Variants in ZNF414 observed in about 807,000 individuals in gnomAD.
ZNF414 encodes the protein zinc finger protein 414.
A neutral mutation model predicts 38.3 loss-of-function variants in ZNF414; 32 were observed. That is an observed-to-expected ratio of 0.83 (90% confidence interval 0.63 to 1.12). The LOEUF (loss-of-function observed/expected upper bound fraction) is 1.12. Among genes scored for constraint, ZNF414 ranks in the 50% most tolerant of loss-of-function variants. The probability of loss-of-function intolerance (pLI) is 0.00; values close to 1 mark genes in which losing one functional copy is unlikely to be tolerated. For synonymous variants in ZNF414, 256 were observed against 248.0 expected (o/e 1.03, Z -0.30); for missense variants, 589 against 557.4 (o/e 1.06, Z -0.57).
rs1261897822 is a variant in ZNF414 at position 8,513,173 on chromosome 19, G to C, written c.172C>G (p.Arg58Gly). 1.3e-6 allele frequency: 2 copies of C among 1,557,208 alleles called. No homozygotes were observed. Among genetic ancestry groups the C allele is most frequent in the Admixed American group, 3.8e-5 (2 of 52,636 alleles). Residue 58 changes from arginine to glycine, a missense_variant, in exon 2 of 8, where the codon CGT (arginine) becomes GGT (glycine). Arg to Gly is a moderately radical substitution (Grantham distance 125). Transcript: ENST00000393927. ...TGCTGCATCCCTCCAGCCCCTCCAC[G>C]TTCCCACACTGGCGGTGTGGCTGCC... is the stretch of plus-strand genomic sequence containing the variant. ...EQAATPPVWE[R>G]GGAGGMQQGS...
Position 8,512,726 on chromosome 19 carries a change from GA to G in ZNF414, c.317-16del. On this transcript the variant is annotated splice_polypyrimidine_tract_variant and intron_variant, in intron 2 of 7. Coordinates refer to ENST00000393927, the MANE Select transcript of ZNF414 (RefSeq NM_001146175.2). ...GATTTGCTTCCCTGCAGGACGCACAGAACAGTGGTCACTGGTCCCTTCCTCA... is the reference window on the plus strand; with the variant it reads ...GATTTGCTTCCCTGCAGGACGCACAGACAGTGGTCACTGGTCCCTTCCTCA... 2 of 1,493,104 alleles carry G rather than the reference GA, an allele frequency of 1.3e-6. No homozygotes were observed. Among genetic ancestry groups the G allele is most frequent in the Non-Finnish European group, 1.8e-6 (2 of 1,119,460 alleles). The allele number at this position is 1,493,104 out of a possible 1,614,324, so 92.5% of individuals were successfully genotyped here.
intron 2 of ZNF414, 73 bp from the exon 3 acceptor site, chr19:8,512,784 C>T (rs1432671105): frequency 1.5e-6 from 2 of 1,370,694 alleles, no homozygotes; most frequent in East Asian, 5.1e-5. Flanking sequence ...GGGTTCTGCC[C>T]CAGAGAAGCA....
Position 8,511,787 on chromosome 19 carries a change from G to T in ZNF414, c.704C>A (p.Pro235Gln), listed in dbSNP as rs375198071. 267 of 1,413,658 alleles carry T rather than the reference G, an allele frequency of 1.9e-4. 1 individual carries two copies. The African/African-American group carries it at 3.1e-3, about 16-fold the overall frequency. The allele number at this position is 1,413,658 out of a possible 1,614,324, so 87.6% of individuals were successfully genotyped here. The change falls in exon 5 of 8, where the codon CCG becomes CAG. Residue 235 changes from proline (P) to glutamine (Q), a missense_variant. Transcript: ENST00000393927. ...EVDPASAPGL[P>Q]FPLLEPFTTP... is the part of the protein sequence containing the mutation. ...CGTGAAGGGTTCCAGCAGCGGGAAC[G>T]GCAGGCCCGGCGCTGATGCGGGGTC...
Position 8,511,863 on chromosome 19 carries a change from G to A in ZNF414, c.628C>T (p.Pro210Ser). Residue 210 changes from proline (P) to serine (S), a missense_variant, in exon 5 of 8, where the codon CCC becomes TCC. Physicochemically the swap from Pro to Ser is moderately conservative, Grantham distance 74. Coordinates refer to ENST00000393927, the MANE Select transcript of ZNF414 (RefSeq NM_001146175.2). The part of the protein sequence containing the change: ...EHAQSPAPPP[P>S]PALDREPPAP... ...GGCGGCTCTCGGTCCAGGGCCGGGG[G>A]TGGCGGCGGGGCTGGGCTCTGCGCA... 7.1e-7 allele frequency: 1 copy of A among 1,404,716 alleles called. No homozygotes were observed. The highest frequency in any genetic ancestry group is 2.7e-5 in the East Asian group (1 of 36,702). The allele number at this position is 1,404,716 out of a possible 1,614,324, so 87.0% of individuals were successfully genotyped here.
intron 1 of ZNF414, among the ~76,000 whole-genome samples, chr19:8,513,586 C>T (rs1424588391): frequency 1.3e-5 from 2 of 152,192 alleles, no homozygotes; most frequent in African/African-American, 4.8e-5. Context: ...AGCCACTGCA[C>T]TGGCCCGGAT....
chr19:8,513,911 C>T, intron 1 of ZNF414, 133 bp downstream of exon 1: 1 of 1,154,064 alleles, frequency 8.7e-7, no homozygotes, highest in Non-Finnish European at 1.1e-6. Context: ...AGGGCGCTCT[C>T]CGAGTGACAG....
In ZNF414 at chr19:8,513,035, G is replaced by A; in HGVS notation, c.310C>T (p.Pro104Ser). Residue 104 changes from proline to serine, a missense_variant, in exon 2 of 8, where the codon CCT (proline) becomes TCT (serine). Physicochemically the swap from Pro to Ser is moderately conservative, Grantham distance 74. Transcript: ENST00000393927. Reference sequence around the variant, plus strand: ...AGACCCCATCACAGATCACCTGGAGGTGGGCGTCGTCTGGGAGGCCGCAGG... The same window carrying A: ...AGACCCCATCACAGATCACCTGGAGATGGGCGTCGTCTGGGAGGCCGCAGG... ...EDLRPPRRRP[P>S]PGKQIPCSSP... 6.8e-7 allele frequency: 1 copy of A among 1,461,790 alleles called. No individual in the cohort carries two copies. The highest frequency in any genetic ancestry group is 9.0e-7 in the Non-Finnish European group (1 of 1,108,870). 90.6% of individuals were successfully genotyped at this position (1,461,790 alleles called of 1,614,324 possible).
In ZNF414 at chr19:8,513,211, G is replaced by A. The variant is rs1387699678; in HGVS notation, c.134C>T (p.Pro45Leu). The A allele has an allele frequency of 1.3e-6, 2 of 1,573,518 alleles. No homozygotes were observed. Among genetic ancestry groups the A allele is most frequent in the South Asian group, 1.1e-5 (1 of 87,384 alleles). The change falls in exon 2 of 8, where the codon CCA (proline) becomes CTA (leucine). Residue 45 changes from proline to leucine, a missense_variant. Physicochemically the swap from Pro to Leu is moderately conservative, Grantham distance 98 (BLOSUM62 -3). Transcript: ENST00000393927. The stretch of plus-strand genomic sequence containing the variant: ...CGGTGTGGCTGCCTGCTCAGGGCCT[G>A]GCTCCTCCGACATGGAGGAGGAAGG... ...AAPSSSMSEE[P>L]GPEQAATPPV...
In ZNF414 at chr19:8,511,547, G is replaced by A; in HGVS notation, c.875-11C>T. 6.3e-7 allele frequency: 1 copy of A among 1,593,186 alleles called. No homozygotes were observed. The highest frequency in any genetic ancestry group is 8.5e-7 in the Non-Finnish European group (1 of 1,169,942). ...GGCTGCTGCCAGCACCTGCGGTAAA[G>A]GGGCGGGTCAAGTTCAGAGTCAGGG... On this transcript the variant is annotated splice_polypyrimidine_tract_variant and intron_variant, in intron 5 of 7. Transcript: ENST00000393927.
chr19:8,511,072 A>C (rs1971906533), intron 6 of ZNF414, 48 bp from the exon 7 acceptor site: 1 of 1,282,038 alleles, frequency 7.8e-7, no homozygotes, highest in African/African-American at 1.6e-5. Flanking sequence ...CCAGCCCAGA[A>C]GACCCGTGCG....
chr19:8,512,201 T>G, intron 4 of ZNF414, 186 bp downstream of exon 4: 1 of 1,433,776 alleles, frequency 7.0e-7, no homozygotes, highest in Non-Finnish European at 9.1e-7. Flanking sequence ...AGGTAAAGCC[T>G]GGCTGGGTGG....
chr19:8,512,420 C>T lies in ZNF414; in HGVS notation c.497G>A (p.Ser166Asn). The change falls in exon 4 of 8, where the codon AGC becomes AAC. Residue 166 changes from serine to asparagine, a missense_variant. Ser to Asn is a conservative substitution (Grantham distance 46, BLOSUM62 1). Transcript: ENST00000393927. Reference protein sequence around the residue: ...FPSMQELVAHSKLHYKPNRYF... With the variant: ...FPSMQELVAHNKLHYKPNRYF... ...GCGATTGGGTTTGTAGTGCAGTTTG[C>T]TGTGAGCCACCAGCTCCTGCATGCT... The T allele has an allele frequency of 6.2e-7, 1 of 1,614,084 alleles. No homozygotes were observed. The highest frequency in any genetic ancestry group is 1.1e-5 in the South Asian group (1 of 91,072).
At chr19:8,512,209 T>G (rs1568322809) in intron 4 of ZNF414, 178 bp downstream of exon 4, 6 of 1,429,944 alleles carry the variant, frequency 4.2e-6, no homozygotes, top group Admixed American at 5.8e-5. Context: ...CCTGGCTGGG[T>G]GGGGCCACGC....
Position 8,513,201 on chromosome 19 carries a change from C to T in ZNF414, c.144G>A (p.Glu48=), listed in dbSNP as rs1158115265. The T allele has an allele frequency of 2.6e-6, 4 of 1,568,232 alleles. No homozygotes were observed. The highest frequency in any genetic ancestry group is 3.4e-6 in the Non-Finnish European group (4 of 1,163,396). ...SSSMSEEPGP[E]QAATPPVWER... is the part of the protein sequence containing the mutation. ...CCCACACTGGCGGTGTGGCTGCCTG[C>T]TCAGGGCCTGGCTCCTCCGACATGG... Residue 48 remains glutamate (E), a synonymous_variant, in exon 2 of 8, where the codon GAG becomes GAA. Coordinates refer to ENST00000393927, the MANE Select transcript of ZNF414 (RefSeq NM_001146175.2).
rs1353538903 is a variant in ZNF414, at chr19:8,514,101, G to A, written c.-55C>T. ...CGGCTCCGGCGGCTGCAGCTTAGGCGGCGGCCACCCTCTGGGCAGTGCGAG... is the reference window on the plus strand; with the variant it reads ...CGGCTCCGGCGGCTGCAGCTTAGGCAGCGGCCACCCTCTGGGCAGTGCGAG... On this transcript the variant is annotated 5_prime_UTR_variant, in exon 1 of 8. Transcript: ENST00000393927. 1 of 1,455,510 alleles carries A rather than the reference G, an allele frequency of 6.9e-7. No individual in the cohort carries two copies. The highest frequency in any genetic ancestry group is 9.0e-7 in the Non-Finnish European group (1 of 1,105,500). The allele number at this position is 1,455,510 out of a possible 1,614,324, so 90.2% of individuals were successfully genotyped here. A position where few individuals can be genotyped will look rare whatever the true frequency, so the allele number is the denominator to read the frequency against.
At position 8,510,534 on chromosome 19, in the gene ZNF414, C is replaced by T. The variant is rs2145805455; in HGVS notation, c.*157G>A. ...GTGATCAATCCATGACTGCTGGGCT[C>T]GAGCCCACTATGCTTTGGATGGACA... On this transcript the variant is annotated 3_prime_UTR_variant, in exon 8 of 8. Transcript: ENST00000393927. 1.2e-6 allele frequency: 1 copy of T among 841,848 alleles called. No homozygotes were observed. Among genetic ancestry groups the T allele is most frequent in the Non-Finnish European group, 1.7e-6 (1 of 571,936 alleles). 52.1% of individuals were successfully genotyped at this position (841,848 alleles called of 1,614,324 possible).
Position 8,511,660 on chromosome 19 carries a change from G to C in ZNF414, c.831C>G (p.Pro277=). ...CGGCGGCGCTGGAAGCCGGCGGCCC[G>C]GGTGCAGCGGCCAGGAAGGGGCGCA... ...PRLRPFLAAA[P]GPPASSAAVW... is the part of the protein sequence containing the mutation. The change falls in exon 5 of 8, where the codon CCC becomes CCG. Residue 277 remains proline (P), a synonymous_variant. Transcript: ENST00000393927. 1 of 1,503,730 alleles carries C rather than the reference G, an allele frequency of 6.7e-7. No individual in the cohort carries two copies. Among genetic ancestry groups the C allele is most frequent in the Non-Finnish European group, 8.8e-7 (1 of 1,130,392 alleles). 93.1% of individuals were successfully genotyped at this position (1,503,730 alleles called of 1,614,324 possible). A position where few individuals can be genotyped will look rare whatever the true frequency, so the allele number is the denominator to read the frequency against.
Position 8,511,634 on chromosome 19 carries a change from A to T in ZNF414, c.857T>A (p.Val286Asp). The T allele has an allele frequency of 1.3e-6, 2 of 1,507,092 alleles. No individual in the cohort carries two copies. The highest frequency in any genetic ancestry group is 1.8e-6 in the Non-Finnish European group (2 of 1,131,724). 93.4% of individuals were successfully genotyped at this position (1,507,092 alleles called of 1,614,324 possible). The change falls in exon 5 of 8, where the codon GTC becomes GAC. Residue 286 changes from valine to aspartate, a missense_variant. Physicochemically the swap from Val to Asp is radical, Grantham distance 152. Coordinates refer to ENST00000393927, the MANE Select transcript of ZNF414 (RefSeq NM_001146175.2). The stretch of plus-strand genomic sequence containing the variant: ...ACACTCACCTTGGCTCTTTTTCCAG[A>T]CGGCGGCGCTGGAAGCCGGCGGCCC... Reference protein sequence around the residue: ...APGPPASSAAVWKKSQGAGSS... With the variant: ...APGPPASSAADWKKSQGAGSS...
At chr19:8,511,993 G>C (rs902447330) in intron 4 of ZNF414, 33 bp from the exon 5 acceptor site, 2 of 1,399,456 alleles carry the variant, frequency 1.4e-6, no homozygotes, top group African/African-American at 1.4e-5. Flanking sequence ...GCTGGGCTGG[G>C]CCTCCAGGGG....
Sources: gnomAD v4.1 joint callset for allele counts (sites outside exome capture counted in the v4.1 genomes callset) on GRCh38, gnomAD v4.1.1 for gene constraint, MANE v1.5 for transcripts, NCBI Gene and HGNC (gene_info 2026-07-23, HGNC 2026-07-21) for gene names.